Variants in MYH14 observed in about 807,000 individuals in gnomAD.
MYH14 encodes myosin-14.
MYH14 carries 123 observed loss-of-function variants against 255.5 expected under a neutral mutation model. The observed-to-expected ratio is 0.48, with a 90% CI of 0.42 to 0.56. The LOEUF (loss-of-function observed/expected upper bound fraction) is 0.56. Ranked by LOEUF, MYH14 falls within the 20% of genes least tolerant of loss-of-function variation. The pLI, the probability that MYH14 is intolerant of heterozygous loss-of-function variation, is 0.00. For synonymous variants in MYH14, 1,095 were observed against 1,161.2 expected (o/e 0.94, Z 1.16); for missense variants, 2,423 against 2,802.3 (o/e 0.86, Z 3.06).
intron 1 of MYH14, among the ~76,000 whole-genome samples, chr19:50,208,439 CA>C (rs2031956538): frequency 6.7e-6 from 1 of 148,764 alleles, no homozygotes; most frequent in Non-Finnish European, 1.5e-5. Flanking sequence ...AACAAACAAA[CA>C]AACAAACAAA....
At chr19:50,267,877 G>A (rs922081907) in intron 23 of MYH14, among the ~76,000 whole-genome samples, 6 of 152,092 alleles carry the variant, frequency 3.9e-5, no homozygotes, top group Admixed American at 2.0e-4. Flanking sequence ...TGTTGGGGCT[G>A]TAGGGACAGA....
In MYH14 at chr19:50,252,692, C is replaced by T. The variant is rs1210957116; in HGVS notation, c.1884C>T (p.Asp628=). 1.9e-6 allele frequency: 3 copies of T among 1,601,830 alleles called. No individual in the cohort carries two copies. The highest frequency in any genetic ancestry group is 2.6e-6 in the Non-Finnish European group (3 of 1,174,508). The part of the protein sequence containing the change: ...WLMKNMDPLN[D]NVAALLHQST... The stretch of plus-strand genomic sequence containing the variant: ...TGAAAAACATGGACCCTCTGAATGA[C>T]AACGTCGCAGCCTTGCTCCACCAGA... Residue 628 remains aspartate (D), a synonymous_variant, in exon 16 of 43, where the codon GAC becomes GAT. Coordinates refer to ENST00000642316, the MANE Select transcript of MYH14 (RefSeq NM_001145809.2). This position sits in a 1 kb window ranked among gnomAD's most constrained non-coding sequence, Gnocchi z 4.2.
intron 1 of MYH14, among the ~76,000 whole-genome samples, chr19:50,207,381 G>A (rs971072979): frequency 6.7e-6 from 1 of 149,726 alleles, no homozygotes; most frequent in Admixed American, 6.8e-5. Flanking sequence ...TTTCCTGCCT[G>A]GTGCTTGGAC....
chr19:50,267,005 A>G lies in MYH14; in HGVS notation c.2823A>G (p.Ala941=). The change falls in exon 23 of 43, where the codon GCA becomes GCG. Residue 941 remains alanine, a synonymous_variant. Transcript: ENST00000642316. The stretch of plus-strand genomic sequence containing the variant: ...TTGGGGAGCTCCAGGGCCGAGTGGC[A>G]CAGGTGAGGGGGCGGGGGCAGGGCG... The part of the protein sequence containing the change: ...REVGELQGRV[A]QLEEERARLA... 2 of 1,559,376 alleles carry G rather than the reference A, an allele frequency of 1.3e-6. No individual in the cohort carries two copies. The highest frequency in any genetic ancestry group is 1.9e-5 in the Admixed American group (1 of 52,476).
Position 50,261,632 on chromosome 19 carries a change from G to T in MYH14, c.2582G>T (p.Arg861Leu). ...GCAGCTGCCCGGGGATACCTGGCTC[G>T]CAGGTGGGCAGCCACGCTGTCTCCC... ...FQAAARGYLARRAFQKRQQQQ... is the reference protein window; with the variant it reads ...FQAAARGYLALRAFQKRQQQQ... Residue 861 changes from arginine to leucine, a missense_variant, in exon 21 of 43, where the codon CGC becomes CTC. Arg to Leu is a moderately radical substitution (Grantham distance 102). Transcript: ENST00000642316. The T allele has an allele frequency of 1.3e-6, 2 of 1,593,146 alleles. No individual in the cohort carries two copies. Among genetic ancestry groups the T allele is most frequent in the Non-Finnish European group, 1.7e-6 (2 of 1,171,498 alleles).
At chr19:50,247,231 T>C (rs953378087) in intron 12 of MYH14, 109 bp downstream of exon 12, 34 of 755,778 alleles carry the variant, frequency 4.5e-5, no homozygotes, top group Non-Finnish European at 6.0e-5. Flanking sequence ...TTTTGCTGAG[T>C]GCCCGCTCCG....
intron 21 of MYH14, 80 bp from the exon 22 acceptor site, chr19:50,263,232 A>G (rs889111606): frequency 2.4e-5 from 21 of 887,714 alleles, no homozygotes; most frequent in Non-Finnish European, 3.3e-5. Context: ...GAAAATAAAT[A>G]AGAAAGGAGC....
chr19:50,249,432 T>A (rs1453950782), intron 13 of MYH14: 2 of 628,932 alleles, frequency 3.2e-6, no homozygotes, highest in African/African-American at 3.8e-5. Flanking sequence ...TGTCTCTGGG[T>A]CTCTGCCTCT....
At chr19:50,304,350 G>A (rs1222263125) in intron 40 of MYH14, among the ~76,000 whole-genome samples, 1 of 152,302 alleles carries the variant, frequency 6.6e-6, no homozygotes, top group Non-Finnish European at 1.5e-5. Flanking sequence ...AGCACTTTGG[G>A]AGGCCAAGGC....
chr19:50,278,969 C>T (rs73058352), intron 30 of MYH14, among the ~76,000 whole-genome samples: 9,216 of 152,090 alleles, frequency 0.061, 376 homozygotes, highest in South Asian at 0.18. Context: ...GCCTGGGCAG[C>T]GAGAGTGAAA....
intron 33 of MYH14, among the ~76,000 whole-genome samples, chr19:50,282,183 G>A (rs1176795448): frequency 6.6e-6 from 1 of 152,154 alleles, no homozygotes; most frequent in Non-Finnish European, 1.5e-5. Flanking sequence ...GATTCACGGG[G>A]TACCTCAGGC....
rs56095197 is a variant in MYH14 at position 50,273,601 on chromosome 19, G to GGTGT, written c.3467+898_3467+901dup. Reference sequence around the variant, plus strand: ...ATCTTAGAGTTGATGGAACATGGGGGGTGTGTGTGTGTGTGTGTGTGTGTG... The same window carrying GGTGT: ...ATCTTAGAGTTGATGGAACATGGGGGGTGTGTGTGTGTGTGTGTGTGTGTGTGTG... On this transcript the variant is annotated intron_variant, in intron 27 of 42. Transcript: ENST00000642316. Among the ~76,000 whole-genome samples, 818 of 137,564 alleles carry GGTGT rather than the reference G, an allele frequency of 5.9e-3. 6 individuals are homozygous for GGTGT. The highest frequency in any genetic ancestry group is 0.02 in the African/African-American group (755 of 37,164). The allele number at this position is 137,564 out of a possible 152,430, so 90.2% of individuals were successfully genotyped here.
At chr19:50,218,510 A>G (rs1600869748) in intron 3 of MYH14, among the ~76,000 whole-genome samples, 1 of 151,974 alleles carries the variant, frequency 6.6e-6, no homozygotes, top group East Asian at 2.0e-4. Context: ...AGGCAGGAGA[A>G]TGGCGTGAAC....
At chr19:50,207,271 C>CAGATAGAGAGAGAGAGAG (rs2031835604) in intron 1 of MYH14, among the ~76,000 whole-genome samples, 1 of 76,804 alleles carries the variant, frequency 1.3e-5, no homozygotes, top group Non-Finnish European at 2.5e-5. Context: ...GAGAGAGAGA[C>CAGATAGAGAGAGAGAGAG]AGAGAGAGAG....
At chr19:50,307,510 G>T (rs2036693108) in intron 41 of MYH14, among the ~76,000 whole-genome samples, 1 of 152,146 alleles carries the variant, frequency 6.6e-6, no homozygotes, top group African/African-American at 2.4e-5. Context: ...TATCAGAATG[G>T]TAGAAGGAAG....
rs567636325 is a variant in MYH14 at position 50,255,337 on chromosome 19, C to T, written c.2044+19C>T. 42 of 1,537,422 alleles carry T rather than the reference C, an allele frequency of 2.7e-5. No individual in the cohort carries two copies. The highest frequency in any genetic ancestry group is 2.4e-5 in the South Asian group (2 of 83,762). On this transcript the variant is annotated intron_variant, in intron 17 of 42. Coordinates refer to ENST00000642316, the MANE Select transcript of MYH14 (RefSeq NM_001145809.2). The stretch of plus-strand genomic sequence containing the variant: ...CCAGGGGGTGGGTGTCTCTGTGCAT[C>T]GATGGGTGAGGCTTGCTGGAGGAGG...
At chr19:50,279,406 G>A (rs1480286548) in intron 30 of MYH14, among the ~76,000 whole-genome samples, 1 of 152,166 alleles carries the variant, frequency 6.6e-6, no homozygotes, top group Non-Finnish European at 1.5e-5. Flanking sequence ...GGAGGCGGGT[G>A]GGTCACCTGA....
At chr19:50,217,560 G>A (rs1054277597) in intron 2 of MYH14, 55 bp from the exon 3 acceptor site, 24 of 1,610,422 alleles carry the variant, frequency 1.5e-5, no homozygotes, top group South Asian at 9.9e-5. Context: ...GCCCCATGAC[G>A]CCTTTCAGGC....
chr19:50,254,667 G>C (rs1457856900), intron 16 of MYH14, among the ~76,000 whole-genome samples: 1 of 152,164 alleles, frequency 6.6e-6, no homozygotes, highest in Admixed American at 6.5e-5. Context: ...CTAGTCACAA[G>C]GTCTTCCCAG....
Sources: gnomAD v4.1 joint callset for allele counts (sites outside exome capture counted in the v4.1 genomes callset) on GRCh38, gnomAD v4.1.1 for gene constraint, Gnocchi (gnomAD v3.1) non-coding constraint, MANE v1.5 for transcripts, NCBI Gene and HGNC (gene_info 2026-07-23, HGNC 2026-07-21) for gene names.